Variants in SLC35F4 observed in about 807,000 individuals in gnomAD.
SLC35F4 encodes the protein solute carrier family 35 member F4.
SLC35F4 carries 24 observed loss-of-function variants against 44.2 expected under a neutral mutation model. The ratio of observed to expected loss-of-function variants is 0.54; its 90% CI spans 0.39 to 0.76. The LOEUF (loss-of-function observed/expected upper bound fraction) is 0.76. Among genes scored for constraint, SLC35F4 ranks in the 30% least tolerant of loss-of-function variants. SLC35F4 has a pLI of 0.00. For synonymous variants in SLC35F4, 238 were observed against 223.6 expected (o/e 1.06, Z -0.57); for missense variants, 562 against 586.1 (o/e 0.96, Z 0.42).
chr14:57,659,547 C>T (rs554876833), intron 1 of SLC35F4, among the ~76,000 whole-genome samples: 21 of 152,190 alleles, frequency 1.4e-4, no homozygotes, highest in African/African-American at 5.1e-4. Context: ...TTAGCATTCC[C>T]ACTTTATAGA....
chr14:57,976,470 A>C (rs1194840611), downstream of SLC35F4, among the ~76,000 whole-genome samples: 1 of 152,220 alleles, frequency 6.6e-6, no homozygotes, highest in Non-Finnish European at 1.5e-5. Flanking sequence ...ATGCCCCTGA[A>C]ACTGTTCCCA....
At chr14:57,793,071 AAC>A (rs1595077745) in intron 1 of SLC35F4, among the ~76,000 whole-genome samples, 1 of 152,076 alleles carries the variant, frequency 6.6e-6, no homozygotes, top group African/African-American at 2.4e-5. Flanking sequence ...GTGTCTAGAA[AAC>A]ACAGAAGAAA....
chr14:57,632,592 C>T (rs1365348642), intron 1 of SLC35F4, among the ~76,000 whole-genome samples: 1 of 152,076 alleles, frequency 6.6e-6, no homozygotes, highest in Non-Finnish European at 1.5e-5. Context: ...CCATTATCAA[C>T]ATTCCCCACC....
At chr14:57,877,949 T>G (rs564151957) in intron 1 of SLC35F4, among the ~76,000 whole-genome samples, 3 of 152,220 alleles carry the variant, frequency 2.0e-5, no homozygotes, top group African/African-American at 7.2e-5. Flanking sequence ...CCTCCCAAAG[T>G]GCTGGGATTA....
intron 1 of SLC35F4, among the ~76,000 whole-genome samples, chr14:57,684,270 G>A (rs772474304): frequency 6.6e-6 from 1 of 152,054 alleles, no homozygotes; most frequent in Admixed American, 6.6e-5. Flanking sequence ...GACCACAAAT[G>A]AGCACCAGTC....
chr14:57,721,841 C>T (rs1566794836), intron 1 of SLC35F4, among the ~76,000 whole-genome samples: 2 of 152,174 alleles, frequency 1.3e-5, no homozygotes, highest in East Asian at 3.9e-4. Flanking sequence ...AGCCTTTCCA[C>T]CTTTATCTGA....
At chr14:57,971,128 A>G (rs556652897) in intron 1 of SLC35F4, among the ~76,000 whole-genome samples, 19 of 152,330 alleles carry the variant, frequency 1.2e-4, no homozygotes, top group African/African-American at 4.6e-4. Flanking sequence ...AGAGTTGTCA[A>G]TCCAGACCTT....
rs143076597 is a variant in SLC35F4 at position 57,981,814 on chromosome 14, AAG to A, written n.151+97_151+98del. On this transcript the variant is annotated intron_variant and non_coding_transcript_variant, in intron 1 of 1. Coordinates refer to the SLC35F4 transcript ENST00000554648. ...CTTGTTACCAAATTATATGCCATTTAAGAGAGACAAACAATGTCCATTCCGAG... is the reference window on the plus strand; with the variant it reads ...CTTGTTACCAAATTATATGCCATTTAAGAGACAAACAATGTCCATTCCGAG... 534 of 151,694 alleles carry A rather than the reference AAG, an allele frequency of 3.5e-3. 3 individuals are homozygous for A. The highest frequency in any genetic ancestry group is 0.012 in the African/African-American group (506 of 41,560). 9.4% of individuals were successfully genotyped at this position (151,694 alleles called of 1,614,324 possible).
intron 1 of SLC35F4, among the ~76,000 whole-genome samples, chr14:57,979,859 A>C (rs769298258): frequency 1.9e-4 from 29 of 152,176 alleles, no homozygotes; most frequent in Non-Finnish European, 3.4e-4. Context: ...TCTTTCCCCA[A>C]CTCCACATTT....
intron 1 of SLC35F4, among the ~76,000 whole-genome samples, chr14:57,932,784 G>T (rs752127034): frequency 3.9e-5 from 6 of 152,102 alleles, no homozygotes; most frequent in Non-Finnish European, 8.8e-5. Context: ...AGGGGGCAGA[G>T]GTTGCAGTGA....
rs11158173 is a variant in SLC35F4 at position 57,754,855 on chromosome 14, G to A, written c.103+110868C>T. On this transcript the variant is annotated intron_variant, in intron 1 of 7. Transcript: ENST00000556826. Reference sequence around the variant, plus strand: ...AAGCAACCTGACTGATCAGCAGTGTGTCCTGATTTCCCTTCTCTGACTGAA... The same window carrying A: ...AAGCAACCTGACTGATCAGCAGTGTATCCTGATTTCCCTTCTCTGACTGAA... Among the ~76,000 whole-genome samples the A allele has an allele frequency of 0.014, 2,126 of 152,334 alleles. 110 individuals are homozygous for A. The East Asian group carries it at 0.17, about 12-fold the overall frequency.
At chr14:57,914,927 C>G (rs7140499) in intron 1 of SLC35F4, among the ~76,000 whole-genome samples, 14,448 of 152,140 alleles carry the variant, frequency 0.095, 733 homozygotes, top group Middle Eastern at 0.12. Context: ...AGAAGGGACT[C>G]TCTGCAGCAA....
chr14:57,962,754 G>GA (rs1306341575), intron 1 of SLC35F4, among the ~76,000 whole-genome samples: 3 of 152,188 alleles, frequency 2.0e-5, no homozygotes, highest in Non-Finnish European at 4.4e-5. Context: ...TTGTAAAGGA[G>GA]AATTTTGTCT....
chr14:57,653,435 C>T (rs976619662), intron 1 of SLC35F4, among the ~76,000 whole-genome samples: 2 of 152,178 alleles, frequency 1.3e-5, no homozygotes, highest in African/African-American at 4.8e-5. Context: ...TGTGTTATCA[C>T]TCACTTTACA....
At position 57,941,974 on chromosome 14, in the gene SLC35F4, G is replaced by T. The variant is rs1222219747; in HGVS notation, n.282+39939C>A. Among the ~76,000 whole-genome samples the T allele has an allele frequency of 2.6e-5, 4 of 152,308 alleles. No homozygotes were observed. In the East Asian group the frequency reaches 7.7e-4, roughly 29 times the overall value. ...CTTATCAAGTGATGACTTCACCTAG[G>T]AGTGGCAAAGCATCTGTGGGCTGCA... On this transcript the variant is annotated intron_variant and non_coding_transcript_variant, in intron 1 of 1. Transcript: ENST00000556568.
At chr14:57,635,361 C>T (rs1053201743) in intron 1 of SLC35F4, among the ~76,000 whole-genome samples, 7 of 151,514 alleles carry the variant, frequency 4.6e-5, no homozygotes, top group South Asian at 4.2e-4. Context: ...CACTGAAGTG[C>T]GGAGAGGGGT....
chr14:57,980,910 G>GCTTT (rs1407290203), intron 1 of SLC35F4, among the ~76,000 whole-genome samples: 1 of 152,162 alleles, frequency 6.6e-6, no homozygotes, highest in Admixed American at 6.5e-5. Context: ...CTTTTGGAAG[G>GCTTT]TGCTTTAAAA....
chr14:57,869,719 A>G (rs561249153), upstream of SLC35F4, among the ~76,000 whole-genome samples: 11 of 152,340 alleles, frequency 7.2e-5, no homozygotes, highest in African/African-American at 2.6e-4. Flanking sequence ...ACCCCAAGAA[A>G]TTTAAACAGT....
At chr14:57,646,702 A>C (rs1041778945) in intron 1 of SLC35F4, among the ~76,000 whole-genome samples, 21 of 151,988 alleles carry the variant, frequency 1.4e-4, no homozygotes, top group African/African-American at 4.8e-4. Context: ...TAGTTCTTTT[A>C]ATTGTGATGT....
Sources: gnomAD v4.1 joint callset for allele counts (sites outside exome capture counted in the v4.1 genomes callset) on GRCh38, gnomAD v4.1.1 for gene constraint, MANE v1.5 for transcripts, NCBI Gene and HGNC (gene_info 2026-07-23, HGNC 2026-07-21) for gene names.